Variants in WDFY3 observed in about 807,000 individuals in gnomAD.
The protein encoded by WDFY3 is WD repeat and FYVE domain containing 3, also known as WD repeat and FYVE domain-containing protein 3.
WDFY3 carries 66 observed loss-of-function variants against 409.6 expected under a neutral mutation model. That is an observed-to-expected ratio of 0.16 (90% CI 0.13 to 0.20). The LOEUF (loss-of-function observed/expected upper bound fraction) is 0.20. WDFY3 is among the 10% of genes least tolerant of loss of function. WDFY3 has a pLI of 1.00. For synonymous variants in WDFY3, 1,521 were observed against 1,537.1 expected, an observed-to-expected ratio of 0.99 and a Z score of 0.25; for missense variants, 3,031 against 4,298.1, an observed-to-expected ratio of 0.71 and a Z score of 8.24.
At chr4:84,684,753 G>A (rs1176344058) in intron 62 of WDFY3, among the ~76,000 whole-genome samples, 1 of 152,192 alleles carries the variant, frequency 6.6e-6, no homozygotes, top group Non-Finnish European at 1.5e-5. Flanking sequence ...GACTCCCTGA[G>A]CTGATAACTT....
At chr4:84,817,695 G>GTA (rs1242950857) in intron 12 of WDFY3, 110 bp from the exon 13 acceptor site, 16 of 1,026,788 alleles carry the variant, frequency 1.6e-5, no homozygotes, top group Non-Finnish European at 2.1e-5. Flanking sequence ...TCATAATAAT[G>GTA]TAAATAAAAC....
chr4:84,762,155 C>T (rs1742737380), intron 32 of WDFY3, among the ~76,000 whole-genome samples: 1 of 151,822 alleles, frequency 6.6e-6, no homozygotes, highest in Admixed American at 6.6e-5. Context: ...TATAAAGACA[C>T]ATGCACACAT....
chr4:84,839,559 TAA>T (rs752155113), intron 6 of WDFY3, among the ~76,000 whole-genome samples: 56 of 141,896 alleles, frequency 3.9e-4, no homozygotes, highest in Admixed American at 4.2e-4. Flanking sequence ...TTCCCTGAGT[TAA>T]AAAAAAAAAA....
At chr4:84,801,605 T>A (rs762440472) in intron 17 of WDFY3, 45 bp downstream of exon 17, 1 of 1,552,208 alleles carries the variant, frequency 6.4e-7, no homozygotes, top group Non-Finnish European at 8.7e-7. Context: ...CTCTAGAAAC[T>A]GACATTACTA....
intron 3 of WDFY3, among the ~76,000 whole-genome samples, chr4:84,875,263 A>AATACAC (rs71670886): frequency 1.5e-5 from 2 of 137,484 alleles, no homozygotes; most frequent in African/African-American, 2.8e-5. Context: ...GCAAGACTCA[A>AATACAC]ACACACACAC....
Position 84,721,455 on chromosome 4 carries a change from T to C in WDFY3, c.7559A>G (p.Lys2520Arg). 2 of 1,613,758 alleles carry C rather than the reference T, an allele frequency of 1.2e-6. No homozygotes were observed. Among genetic ancestry groups the C allele is most frequent in the Non-Finnish European group, 1.7e-6 (2 of 1,180,040 alleles). Residue 2520 changes from lysine (K) to arginine (R), a missense_variant, in exon 47 of 68, where the codon AAA (lysine) becomes AGA (arginine). Transcript: ENST00000295888. Reference protein sequence around the residue: ...AEGSSIEEEEKTDNATLLRLL... With the variant: ...AEGSSIEEEERTDNATLLRLL... ...GCGCAGTAAGGTAGCATTATCTGTTTTCTCCTCCTCTTCTATGGAGCTGCC... is the reference window on the plus strand; with the variant it reads ...GCGCAGTAAGGTAGCATTATCTGTTCTCTCCTCCTCTTCTATGGAGCTGCC...
In WDFY3 at chr4:84,718,640, C is replaced by A. The variant is rs17368178; in HGVS notation, c.7606-70G>T. 11 of 1,541,204 alleles carry A rather than the reference C, an allele frequency of 7.1e-6. No homozygotes were observed. The African/African-American group carries it at 8.3e-5, about 12-fold the overall frequency. On this transcript the variant is annotated intron_variant, in intron 47 of 67. Transcript: ENST00000295888. ...AAGATCAATTTTTGTTAGACTACTA[C>A]GGCATCCCTAGAGCTAAGCATATTA... is the stretch of plus-strand genomic sequence containing the variant.
chr4:84,674,762 G>C (rs1167418389), intron 67 of WDFY3, among the ~76,000 whole-genome samples: 1 of 151,394 alleles, frequency 6.6e-6, no homozygotes, highest in Non-Finnish European at 1.5e-5. Flanking sequence ...CAGCTACTCA[G>C]GAAGCTGAGG....
At chr4:84,850,149 G>C in intron 4 of WDFY3, 124 bp from the exon 5 acceptor site, 3 of 976,806 alleles carry the variant, frequency 3.1e-6, no homozygotes, top group Non-Finnish European at 4.3e-6. Flanking sequence ...CAGTTACTTT[G>C]AATCTTAATA....
chr4:84,741,843 C>A lies in WDFY3; in HGVS notation c.6152G>T (p.Arg2051Leu). The change falls in exon 38 of 68, where the codon CGT becomes CTT. Residue 2051 changes from arginine (R) to leucine (L), a missense_variant. By Grantham distance (102) the Arg-to-Leu change is moderately radical. Transcript: ENST00000295888. The part of the protein sequence containing the change: ...LVNNVFYFTQ[R>L]VVDKLWQGMF... ...GCCTTGCCAAAGCTTGTCCACCACA[C>A]GCTGTGTGAAATAAAACACATTGTT... is the stretch of plus-strand genomic sequence containing the variant. The A allele has an allele frequency of 6.2e-7, 1 of 1,613,420 alleles. No homozygotes were observed. Among genetic ancestry groups the A allele is most frequent in the African/African-American group, 1.3e-5 (1 of 75,038 alleles).
rs1725551251 is a variant in WDFY3 at position 84,672,327 on chromosome 4, G to A, written c.*541C>T. ...AAAAAAACATATTTATAATTAATTG[G>A]TAAGTGAGGGATGTCAGACAAACCA... is the stretch of plus-strand genomic sequence containing the variant. On this transcript the variant is annotated 3_prime_UTR_variant, in exon 68 of 68. Transcript: ENST00000295888. 1 of 152,192 alleles carries A rather than the reference G, an allele frequency of 6.6e-6. No homozygotes were observed. The highest frequency in any genetic ancestry group is 2.1e-4 in the South Asian group (1 of 4,822). 9.4% of individuals were successfully genotyped at this position (152,192 alleles called of 1,614,324 possible).
rs566363491 is a variant in WDFY3 at position 84,728,335 on chromosome 4, C to T, written c.7222-1424G>A. 1.8e-3 allele frequency among the ~76,000 whole-genome samples: 279 copies of T among 152,160 alleles called. 1 individual carries two copies. The highest frequency in any genetic ancestry group is 6.3e-3 in the African/African-American group (262 of 41,504). On this transcript the variant is annotated intron_variant, in intron 44 of 67. Coordinates refer to ENST00000295888, the MANE Select transcript of WDFY3 (RefSeq NM_014991.6). Reference sequence around the variant, plus strand: ...CTTGAGCTCAGGAGTTCAAGACCAGCCTGGGCAACATAGCAAACCCCCCAT... The same window carrying T: ...CTTGAGCTCAGGAGTTCAAGACCAGTCTGGGCAACATAGCAAACCCCCCAT...
intron 64 of WDFY3, among the ~76,000 whole-genome samples, chr4:84,680,432 C>T (rs933883799): frequency 5.9e-5 from 9 of 152,186 alleles, no homozygotes; most frequent in Admixed American, 2.6e-4. Context: ...TGGGACCACA[C>T]GTGCATGCCA....
At chr4:84,697,189 C>T (rs773411451) in intron 56 of WDFY3, among the ~76,000 whole-genome samples, 4 of 152,148 alleles carry the variant, frequency 2.6e-5, no homozygotes, top group Non-Finnish European at 5.9e-5. Flanking sequence ...CACAAAATGT[C>T]TGAAATTTAA....
chr4:84,807,665 T>C (rs1300857935), intron 15 of WDFY3, among the ~76,000 whole-genome samples: 30 of 152,330 alleles, frequency 2.0e-4, no homozygotes, highest in African/African-American at 7.0e-4. Flanking sequence ...TATGTGCAGG[T>C]TGCATCAATC....
chr4:84,929,057 C>T (rs184637333), intron 2 of WDFY3, among the ~76,000 whole-genome samples: 11 of 152,216 alleles, frequency 7.2e-5, no homozygotes, highest in Admixed American at 1.3e-4. Context: ...GACTATATTA[C>T]AAAAACACTG....
At chr4:84,877,522 C>T (rs960736914) in intron 3 of WDFY3, among the ~76,000 whole-genome samples, 2 of 152,156 alleles carry the variant, frequency 1.3e-5, no homozygotes, top group Admixed American at 1.3e-4. Context: ...TGGTCTCAAA[C>T]TCCAGGCCTC....
intron 7 of WDFY3, among the ~76,000 whole-genome samples, chr4:84,832,541 CTA>C (rs1440515039): frequency 6.6e-6 from 1 of 152,036 alleles, no homozygotes; most frequent in African/African-American, 2.4e-5. Flanking sequence ...TATATATACG[CTA>C]GTTACCCTTG....
Position 84,688,068 on chromosome 4 carries a change from G to C in WDFY3, c.9543+18C>G, listed in dbSNP as rs747349757. 5.6e-6 allele frequency: 9 copies of C among 1,608,106 alleles called. No individual in the cohort carries two copies. The East Asian group carries it at 8.9e-5, about 16-fold the overall frequency. On this transcript the variant is annotated intron_variant, in intron 62 of 67. Coordinates refer to ENST00000295888, the MANE Select transcript of WDFY3 (RefSeq NM_014991.6). The stretch of plus-strand genomic sequence containing the variant: ...ACTACTTGTTTACCTAAACATAAGT[G>C]GGCAATTTACTACTTACTGTTAATT...
Sources: gnomAD v4.1 joint callset for allele counts (sites outside exome capture counted in the v4.1 genomes callset) on GRCh38, gnomAD v4.1.1 for gene constraint, MANE v1.5 for transcripts, NCBI Gene and HGNC (gene_info 2026-07-23, HGNC 2026-07-21) for gene names.